The following ZFAND3 variants were observed in gnomAD, a reference collection of about 807,000 sequenced individuals.
The protein encoded by ZFAND3 is AN1-type zinc finger protein 3.
Under a neutral mutation model 29.6 loss-of-function variants are expected in ZFAND3, and 10 were observed. The ratio of observed to expected loss-of-function variants is 0.34; its 90% CI spans 0.21 to 0.57. ZFAND3 has a LOEUF of 0.57. Among genes scored for constraint, ZFAND3 ranks in the 20% least tolerant of loss-of-function variants. The pLI, the probability that ZFAND3 is intolerant of heterozygous loss-of-function variation, is 0.86. For synonymous variants in ZFAND3, 128 were observed against 112.6 expected, an observed-to-expected ratio of 1.14 and a Z score of -0.87; for missense variants, 230 against 304.5, an observed-to-expected ratio of 0.76 and a Z score of 1.82.
At chr6:38,141,756 TG>T (rs1765961373) in intron 5 of ZFAND3, among the ~76,000 whole-genome samples, 1 of 151,902 alleles carries the variant, frequency 6.6e-6, no homozygotes, top group African/African-American at 2.4e-5. Context: ...AAATGTTGTG[TG>T]AATGGAGGAG....
chr6:37,968,673 C>G (rs1324393441), intron 2 of ZFAND3, among the ~76,000 whole-genome samples: 1 of 152,092 alleles, frequency 6.6e-6, no homozygotes, highest in Non-Finnish European at 1.5e-5. Context: ...CCAAGCTGAT[C>G]AAATTTATTC....
intron 1 of ZFAND3, among the ~76,000 whole-genome samples, chr6:37,872,780 A>G (rs1319951199): frequency 6.6e-6 from 1 of 152,124 alleles, no homozygotes; most frequent in Non-Finnish European, 1.5e-5. Flanking sequence ...TCTACTGTTG[A>G]TGGGCATTTG....
chr6:38,153,061 C>T lies in ZFAND3; in HGVS notation c.*672C>T, dbSNP rs1254281457. 1 of 985,682 alleles carries T rather than the reference C, an allele frequency of 1.0e-6. No homozygotes were observed. Among genetic ancestry groups the T allele is most frequent in the East Asian group, 1.1e-4 (1 of 8,820 alleles). The allele number at this position is 985,682 out of a possible 1,614,324, so 61.1% of individuals were successfully genotyped here. On this transcript the variant is annotated 3_prime_UTR_variant, in exon 6 of 6. Coordinates refer to ENST00000287218, the MANE Select transcript of ZFAND3 (RefSeq NM_021943.3). Reference sequence around the variant, plus strand: ...AACCTCACTTTGAAAATTAGCTCCACTCAAGACTAGTCCACGAACGAGACC... The same window carrying T: ...AACCTCACTTTGAAAATTAGCTCCATTCAAGACTAGTCCACGAACGAGACC...
intron 2 of ZFAND3, among the ~76,000 whole-genome samples, chr6:37,959,914 A>G (rs894233895): frequency 6.6e-6 from 1 of 152,230 alleles, no homozygotes; most frequent in Non-Finnish European, 1.5e-5. Context: ...GTATTTGTTC[A>G]AAAGATTTTC....
Position 38,152,488 on chromosome 6 carries a change from A to G in ZFAND3, c.*99A>G, listed in dbSNP as rs1367857985. 1 of 1,399,974 alleles carries G rather than the reference A, an allele frequency of 7.1e-7. No individual in the cohort carries two copies. Among genetic ancestry groups the G allele is most frequent in the Non-Finnish European group, 9.3e-7 (1 of 1,075,952 alleles). 86.7% of individuals were successfully genotyped at this position (1,399,974 alleles called of 1,614,324 possible). A position where few individuals can be genotyped will look rare whatever the true frequency, so the allele number is the denominator to read the frequency against. On this transcript the variant is annotated 3_prime_UTR_variant, in exon 6 of 6. Coordinates refer to ENST00000287218, the MANE Select transcript of ZFAND3 (RefSeq NM_021943.3). ...AGACACCTTGTACTGGGCACGCGTC[A>G]GACTGCAGCCAGTCCGTTTCCTTTC...
At chr6:37,957,134 T>A (rs896656239) in intron 2 of ZFAND3, among the ~76,000 whole-genome samples, 13 of 152,232 alleles carry the variant, frequency 8.5e-5, no homozygotes, top group African/African-American at 2.9e-4. Flanking sequence ...TTGAAACGAT[T>A]CAGTCTTTTA....
intron 4 of ZFAND3, among the ~76,000 whole-genome samples, chr6:38,106,401 C>T (rs1159219489): frequency 1.3e-5 from 2 of 152,146 alleles, no homozygotes; most frequent in Non-Finnish European, 2.9e-5. Flanking sequence ...CTGCCCACCT[C>T]GGCCTCCCAA....
intron 2 of ZFAND3, among the ~76,000 whole-genome samples, chr6:38,006,390 A>G (rs1224134477): frequency 6.6e-6 from 1 of 152,222 alleles, no homozygotes; most frequent in East Asian, 1.9e-4. Flanking sequence ...TTATAAAAAA[A>G]TGTGAAATTT....
intron 2 of ZFAND3, among the ~76,000 whole-genome samples, chr6:37,957,791 G>A (rs1001782109): frequency 6.6e-6 from 1 of 152,078 alleles, no homozygotes; most frequent in Non-Finnish European, 1.5e-5. Flanking sequence ...AGTTGCATAC[G>A]GACCTAGGCC....
intron 1 of ZFAND3, among the ~76,000 whole-genome samples, chr6:37,888,500 T>C (rs1461731914): frequency 1.3e-5 from 2 of 152,214 alleles, no homozygotes; most frequent in African/African-American, 4.8e-5. Flanking sequence ...TTGGATTGTA[T>C]GTGCAATCCA....
intron 1 of ZFAND3, among the ~76,000 whole-genome samples, chr6:37,839,681 A>C (rs1764035955): frequency 6.8e-6 from 1 of 147,968 alleles, no homozygotes; most frequent in Admixed American, 6.8e-5. Flanking sequence ...CACCTGGGTA[A>C]TTTTTGTATT....
At chr6:37,910,149 G>A (rs566638996) in intron 1 of ZFAND3, among the ~76,000 whole-genome samples, 1 of 152,304 alleles carries the variant, frequency 6.6e-6, no homozygotes, top group East Asian at 1.9e-4. Context: ...TGGCCTCTGA[G>A]ACCAGGCCTC....
At chr6:37,936,718 T>C (rs552998345) in intron 2 of ZFAND3, among the ~76,000 whole-genome samples, 9 of 152,340 alleles carry the variant, frequency 5.9e-5, no homozygotes, top group African/African-American at 2.2e-4. Context: ...TTTAATTTTG[T>C]CTGTGTTTTC....
intron 1 of ZFAND3, among the ~76,000 whole-genome samples, chr6:37,914,775 A>G (rs560931428): frequency 2.0e-5 from 3 of 150,224 alleles, no homozygotes; most frequent in Non-Finnish European, 4.4e-5. Context: ...TGCTGGGATT[A>G]CAGGTGTGAG....
intron 1 of ZFAND3, chr6:37,833,032 C>T (rs1229333640): frequency 6.6e-6 from 1 of 152,096 alleles, no homozygotes; most frequent in Non-Finnish European, 1.5e-5. Context: ...CAGTTCACTC[C>T]TCCTTTGGTA....
chr6:37,985,525 A>ACC (rs1554164919), intron 2 of ZFAND3, among the ~76,000 whole-genome samples: 3 of 147,680 alleles, frequency 2.0e-5, no homozygotes, highest in Admixed American at 6.7e-5. Context: ...ACACACACAC[A>ACC]CACCCCCACA....
intron 1 of ZFAND3, among the ~76,000 whole-genome samples, chr6:37,872,181 C>G (rs559930449): frequency 1.3e-5 from 2 of 152,316 alleles, no homozygotes; most frequent in East Asian, 3.9e-4. Context: ...ACGTGGCTTA[C>G]GTAGGCCTTC....
intron 1 of ZFAND3, among the ~76,000 whole-genome samples, chr6:37,853,110 C>T (rs1044950427): frequency 4.6e-5 from 7 of 151,952 alleles, no homozygotes; most frequent in Admixed American, 2.6e-4. Flanking sequence ...TTTATATGGT[C>T]GGATGCTCCA....
chr6:38,027,422 C>A (rs987025024), intron 2 of ZFAND3, among the ~76,000 whole-genome samples: 1 of 152,166 alleles, frequency 6.6e-6, no homozygotes, highest in Admixed American at 6.5e-5. Flanking sequence ...CTAAGGTTAC[C>A]TTTTCCTTTT....
Sources: gnomAD v4.1 joint callset for allele counts (sites outside exome capture counted in the v4.1 genomes callset) on GRCh38, gnomAD v4.1.1 for gene constraint, MANE v1.5 for transcripts, NCBI Gene and HGNC (gene_info 2026-07-23, HGNC 2026-07-21) for gene names.